FHIT: variants seen among roughly 807,000 people sequenced by gnomAD.
FHIT encodes bis(5'-adenosyl)-triphosphatase.
In FHIT, 19 loss-of-function variants were observed where a neutral mutation model predicts 17.9. That is an observed-to-expected ratio of 1.06 (90% CI 0.74 to 1.56). The LOEUF is 1.56. FHIT is among the 40% of genes most tolerant of loss of function. The probability of loss-of-function intolerance (pLI) is 0.00; values close to 1 mark genes in which losing one functional copy is unlikely to be tolerated. For synonymous variants in FHIT, 81 were observed against 69.7 expected, an observed-to-expected ratio of 1.16 and a Z score of -0.81; for missense variants, 248 against 189.2, an observed-to-expected ratio of 1.31 and a Z score of -1.82.
chr3:61,052,440 G>T (rs1042480159), intron 2 of FHIT, among the ~76,000 whole-genome samples: 29 of 152,284 alleles, frequency 1.9e-4, no homozygotes, highest in African/African-American at 5.1e-4. Context: ...CTTGCGGCTT[G>T]TGTTTTTCAC....
At chr3:61,179,740 A>C (rs1383328683) in intron 2 of FHIT, among the ~76,000 whole-genome samples, 2 of 148,622 alleles carry the variant, frequency 1.3e-5, no homozygotes, top group South Asian at 2.2e-4. Context: ...AAAACCACCC[A>C]AAAACACACA....
intron 8 of FHIT, among the ~76,000 whole-genome samples, chr3:59,891,217 G>C (rs17061373): frequency 6.6e-6 from 1 of 152,072 alleles, no homozygotes; most frequent in Non-Finnish European, 1.5e-5. Context: ...CAACTCTGGC[G>C]GGCAAAATAT....
At chr3:60,043,032 T>G (rs538424808) in intron 5 of FHIT, among the ~76,000 whole-genome samples, 1 of 152,176 alleles carries the variant, frequency 6.6e-6, no homozygotes, top group Non-Finnish European at 1.5e-5. Flanking sequence ...GAATTTACCC[T>G]CTCCTTTTAT....
chr3:59,994,685 G>C (rs887205818), intron 7 of FHIT, among the ~76,000 whole-genome samples: 6 of 151,958 alleles, frequency 3.9e-5, no homozygotes, highest in African/African-American at 1.4e-4. Context: ...GTAAAATGAC[G>C]GCCCCAAGTG....
At chr3:60,461,248 A>T (rs2032444694) in intron 5 of FHIT, among the ~76,000 whole-genome samples, 1 of 152,146 alleles carries the variant, frequency 6.6e-6, no homozygotes, top group Non-Finnish European at 1.5e-5. Context: ...TGATTAGAAA[A>T]ATTACCAAAA....
At chr3:61,056,238 A>AT (rs1402763641) in intron 2 of FHIT, among the ~76,000 whole-genome samples, 1 of 152,186 alleles carries the variant, frequency 6.6e-6, no homozygotes, top group Non-Finnish European at 1.5e-5. Flanking sequence ...CCTGGGCAAT[A>AT]TAGCAAGACA....
At chr3:60,439,725 T>C (rs2030621675) in intron 5 of FHIT, among the ~76,000 whole-genome samples, 1 of 152,106 alleles carries the variant, frequency 6.6e-6, no homozygotes, top group South Asian at 2.1e-4. Flanking sequence ...AATCACTCTT[T>C]TCTAAACTCC....
At chr3:60,206,498 G>C (rs781510710) in intron 5 of FHIT, among the ~76,000 whole-genome samples, 2 of 151,762 alleles carry the variant, frequency 1.3e-5, no homozygotes, top group African/African-American at 4.8e-5. Context: ...CTTTTGTTTT[G>C]ACTTAACATG....
intron 2 of FHIT, among the ~76,000 whole-genome samples, chr3:61,080,561 T>C (rs2035103844): frequency 6.6e-6 from 1 of 152,066 alleles, no homozygotes; most frequent in South Asian, 2.1e-4. Context: ...AGAGACAAAA[T>C]AGATGTTCGA....
intron 7 of FHIT, among the ~76,000 whole-genome samples, chr3:59,967,033 T>C (rs904690663): frequency 6.6e-6 from 1 of 152,044 alleles, no homozygotes; most frequent in Non-Finnish European, 1.5e-5. Context: ...TTTTTTACTT[T>C]TTACACTTTT....
chr3:60,037,970 T>C (rs1231288229), intron 5 of FHIT, among the ~76,000 whole-genome samples: 8 of 152,152 alleles, frequency 5.3e-5, no homozygotes, highest in African/African-American at 1.9e-4. Flanking sequence ...CGCCTCGGCC[T>C]CCCAAAGTGT....
intron 8 of FHIT, among the ~76,000 whole-genome samples, chr3:59,854,448 A>G (rs971738919): frequency 2.0e-5 from 3 of 152,184 alleles, no homozygotes; most frequent in Non-Finnish European, 4.4e-5. Flanking sequence ...GAGCATCCCA[A>G]TCATCACTTA....
At chr3:60,694,968 G>A (rs980266052) in intron 4 of FHIT, among the ~76,000 whole-genome samples, 3 of 152,058 alleles carry the variant, frequency 2.0e-5, no homozygotes, top group African/African-American at 4.8e-5. Flanking sequence ...TGTAAATGAC[G>A]GGTTAATGGG....
intron 7 of FHIT, among the ~76,000 whole-genome samples, chr3:59,923,755 G>A (rs1705525667): frequency 6.6e-6 from 1 of 152,132 alleles, no homozygotes; most frequent in African/African-American, 2.4e-5. Flanking sequence ...GGGTTCCGAG[G>A]CTCCAAAAGG....
At chr3:61,195,807 A>G (rs1015978738) in intron 2 of FHIT, among the ~76,000 whole-genome samples, 2 of 152,180 alleles carry the variant, frequency 1.3e-5, no homozygotes, top group Non-Finnish European at 2.9e-5. Context: ...AATTTCTACA[A>G]CTATAAAATG....
At chr3:60,644,634 T>A (rs1432258453) in intron 4 of FHIT, among the ~76,000 whole-genome samples, 1 of 152,220 alleles carries the variant, frequency 6.6e-6, no homozygotes, top group African/African-American at 2.4e-5. Context: ...GTGGTAATAA[T>A]CTTCCTTTGC....
chr3:60,223,957 T>C (rs1249243137), intron 5 of FHIT, among the ~76,000 whole-genome samples: 1 of 152,164 alleles, frequency 6.6e-6, no homozygotes, highest in African/African-American at 2.4e-5. Context: ...GTCGTGGTGC[T>C]TGATCCTCAG....
chr3:59,954,398 CT>C (rs1448874458), intron 7 of FHIT, among the ~76,000 whole-genome samples: 9 of 152,108 alleles, frequency 5.9e-5, no homozygotes, highest in African/African-American at 2.2e-4. Flanking sequence ...GCTAGTGCTT[CT>C]TGTAGAGACA....
At chr3:60,648,720 T>C (rs2039921660) in intron 4 of FHIT, among the ~76,000 whole-genome samples, 1 of 152,164 alleles carries the variant, frequency 6.6e-6, no homozygotes, top group Admixed American at 6.5e-5. Context: ...AGAGCTAATG[T>C]GAGATGAAAA....
Sources: allele counts gnomAD v4.1 joint callset (sites outside exome capture counted in the v4.1 genomes callset), GRCh38; gene constraint gnomAD v4.1.1; transcripts MANE v1.5; gene names NCBI Gene and HGNC (gene_info 2026-07-23, HGNC 2026-07-21).